ODF2L: variants seen among roughly 807,000 people sequenced by gnomAD.
ODF2L encodes the protein outer dense fiber of sperm tails 2 like.
Under a neutral mutation model 86.3 loss-of-function variants are expected in ODF2L, and 76 were observed. The ratio of observed to expected loss-of-function variants is 0.88; its 90% confidence interval spans 0.73 to 1.07. ODF2L has a LOEUF of 1.07. Among genes scored for constraint, ODF2L ranks in the 50% least tolerant of loss-of-function variants. The probability of loss-of-function intolerance (pLI) is 0.00; values close to 1 mark genes in which losing one functional copy is unlikely to be tolerated. For synonymous variants in ODF2L, 241 were observed against 231.3 expected (o/e 1.04, Z -0.38); for missense variants, 748 against 717.4 (o/e 1.04, Z -0.49).
intron 11 of ODF2L, among the ~76,000 whole-genome samples, chr1:86,365,156 T>C (rs1435889839): frequency 6.6e-6 from 1 of 152,228 alleles, no homozygotes; most frequent in Non-Finnish European, 1.5e-5. Flanking sequence ...CCAAGTTATT[T>C]AATCTCTCTG....
chr1:86,368,713 G>A, exon 11 of ODF2L: 1 of 1,442,130 alleles, frequency 6.9e-7, no homozygotes, highest in South Asian at 1.5e-5. Context: ...ATTCTACATG[G>A]GAATCTAAGC....
At chr1:86,366,431 CACATACACATACACAT>C (rs1207271760) in intron 11 of ODF2L, among the ~76,000 whole-genome samples, 7 of 130,564 alleles carry the variant, frequency 5.4e-5, no homozygotes, top group African/African-American at 2.1e-4. Flanking sequence ...CACACACACA[CACATACACATACACAT>C]ACACACACAT....
rs773963193 is a variant in ODF2L, at chr1:86,354,522, A to G, written c.1767+8T>C. The G allele has an allele frequency of 6.4e-6, 10 of 1,565,380 alleles. No individual in the cohort carries two copies. In the South Asian group the frequency reaches 1.2e-4, roughly 18 times the overall value. On this transcript the variant is annotated splice_region_variant and intron_variant, in intron 16 of 17. Coordinates refer to ENST00000317336, the Ensembl canonical transcript of ODF2L. Reference sequence around the variant, plus strand: ...ATTAAAAAGTTTCTAAATAAAGGCCATGCATACCTTTTGTCTTCCTTCTTC... The same window carrying G: ...ATTAAAAAGTTTCTAAATAAAGGCCGTGCATACCTTTTGTCTTCCTTCTTC...
intron 16 of ODF2L, among the ~76,000 whole-genome samples, chr1:86,354,234 T>C (rs1242957726): frequency 1.3e-5 from 2 of 152,220 alleles, no homozygotes; most frequent in African/African-American, 4.8e-5. Flanking sequence ...AATTTTCAAT[T>C]ATTTGCACAT....
At chr1:86,348,786 C>T, downstream of ODF2L, 1 of 1,530,054 alleles carries the variant, frequency 6.5e-7, no homozygotes, top group Non-Finnish European at 8.7e-7. Context: ...TTTTAAGAAA[C>T]TGTAAATAAT....
chr1:86,346,991 G>C (rs1465032560), downstream of ODF2L: 3 of 152,290 alleles, frequency 2.0e-5, no homozygotes, highest in East Asian at 3.9e-4. Context: ...TTAGTTTCCT[G>C]AAAATTAAAT....
exon 18 of ODF2L, chr1:86,351,037 G>C (rs902746209): frequency 1.3e-5 from 2 of 152,026 alleles, no homozygotes; most frequent in Non-Finnish European, 1.5e-5. Flanking sequence ...CTCCCATTCT[G>C]TCGGTTCCTG....
chr1:86,380,545 T>C (rs559879248), intron 7 of ODF2L, among the ~76,000 whole-genome samples: 1 of 152,254 alleles, frequency 6.6e-6, no homozygotes, highest in East Asian at 1.9e-4. Context: ...TTTTTGAACA[T>C]AGTTCCAGAC....
downstream of ODF2L, chr1:86,347,482 T>TCATTTAATC (rs1186353440): frequency 4.6e-5 from 7 of 152,288 alleles, no homozygotes; most frequent in Admixed American, 3.9e-4. Flanking sequence ...ACTAATCTTG[T>TCATTTAATC]TAGCAATTGT....
chr1:86,351,437 G>C (rs1241754532), exon 18 of ODF2L: 10 of 152,140 alleles, frequency 6.6e-5, no homozygotes. Context: ...CCTCTGTTCT[G>C]TTCCATTGGT....
At position 86,387,771 on chromosome 1, in the gene ODF2L, G is replaced by C. The variant is rs143941400; in HGVS notation, c.-59-685C>G. 1.8e-4 allele frequency among the ~76,000 whole-genome samples: 28 copies of C among 152,086 alleles called. No individual in the cohort carries two copies. The East Asian group carries it at 5.2e-3, about 28-fold the overall frequency. ...AGTTAGAGCTTTGGCAACCATTAAG[G>C]CTCTCTTTTCCCAACTCTAACAATA... On this transcript the variant is annotated intron_variant, in intron 1 of 17. Coordinates refer to ENST00000317336, the Ensembl canonical transcript of ODF2L.
At chr1:86,390,816 C>T (rs1026178139) in intron 1 of ODF2L, among the ~76,000 whole-genome samples, 6 of 152,116 alleles carry the variant, frequency 3.9e-5, no homozygotes, top group Non-Finnish European at 8.8e-5. Context: ...CAACATAGTA[C>T]TGGAAGTCCT....
At chr1:86,386,885 T>G in intron 2 of ODF2L, 30 bp downstream of exon 2, 1 of 1,144,188 alleles carries the variant, frequency 8.7e-7, no homozygotes, top group Non-Finnish European at 1.3e-6. Flanking sequence ...AATCGGAAAT[T>G]TAGATTTCCC....
exon 18 of ODF2L, chr1:86,351,779 T>C (rs1051564211): frequency 4.7e-5 from 18 of 381,796 alleles, no homozygotes; most frequent in African/African-American, 3.1e-4. Flanking sequence ...AAGCAGTGGT[T>C]TGTAGTTCTC....
intron 16 of ODF2L, among the ~76,000 whole-genome samples, chr1:86,354,015 A>G (rs1658344950): frequency 6.6e-6 from 1 of 152,208 alleles, no homozygotes; most frequent in African/African-American, 2.4e-5. Context: ...TGAACCCTAC[A>G]CCAGACTATG....
chr1:86,387,522 G>A (rs979035662), intron 1 of ODF2L, among the ~76,000 whole-genome samples: 10 of 152,166 alleles, frequency 6.6e-5, no homozygotes, highest in Non-Finnish European at 1.3e-4. Context: ...GGCAACAATA[G>A]CTACAAAGGA....
intron 17 of ODF2L, among the ~76,000 whole-genome samples, chr1:86,352,433 T>C (rs181159575): frequency 7.2e-5 from 11 of 152,246 alleles, no homozygotes; most frequent in Non-Finnish European, 1.3e-4. Flanking sequence ...TATCTAACAA[T>C]ACTGAATGTT....
At position 86,356,621 on chromosome 1, in the gene ODF2L, G is replaced by C. The variant is rs747277212; in HGVS notation, c.1360-19C>G. On this transcript the variant is annotated intron_variant, in intron 13 of 17. Coordinates refer to ENST00000317336, the Ensembl canonical transcript of ODF2L. ...CTCTCATCTGAGTTGTGGCAGTAGG[G>C]AAATAAGTGCAAGATCACACATTCA... 6.2e-7 allele frequency: 1 copy of C among 1,604,456 alleles called. No homozygotes were observed. Among genetic ancestry groups the C allele is most frequent in the Non-Finnish European group, 8.5e-7 (1 of 1,174,032 alleles).
At chr1:86,385,337 C>A (rs1018143440) in intron 3 of ODF2L, 121 bp downstream of exon 3, 12 of 575,090 alleles carry the variant, frequency 2.1e-5, no homozygotes, top group African/African-American at 3.8e-5. Flanking sequence ...CTGATAAACC[C>A]TCATTTTTGG....
Sources: gnomAD v4.1 joint callset for allele counts (sites outside exome capture counted in the v4.1 genomes callset) on GRCh38, gnomAD v4.1.1 for gene constraint, MANE v1.5 for transcripts, NCBI Gene and HGNC (gene_info 2026-07-23, HGNC 2026-07-21) for gene names.